ARHGEF1: variants seen among roughly 807,000 people sequenced by gnomAD.
The protein encoded by ARHGEF1 is Rho guanine nucleotide exchange factor 1.
A neutral mutation model predicts 119.7 loss-of-function variants in ARHGEF1; 40 were observed. The observed-to-expected ratio is 0.33, with a 90% CI of 0.26 to 0.44. The LOEUF is 0.44. ARHGEF1 is among the 20% of genes least tolerant of loss of function. The pLI is 1.00. For synonymous variants in ARHGEF1, 494 were observed against 521.0 expected (o/e 0.95, Z 0.71); for missense variants, 976 against 1,268.3 (o/e 0.77, Z 3.50).
At chr19:41,927,611 A>G (rs1555853383) in intron 1 of ARHGEF1, among the ~76,000 whole-genome samples, 1 of 152,014 alleles carries the variant, frequency 6.6e-6, no homozygotes, top group African/African-American at 2.4e-5. Flanking sequence ...TAGGTCCCAA[A>G]TATGCAAGCC....
chr19:41,906,364 C>T lies in ARHGEF1; in HGVS notation c.2492-93C>T. 1 of 1,323,190 alleles carries T rather than the reference C, an allele frequency of 7.6e-7. No homozygotes were observed. The highest frequency in any genetic ancestry group is 2.4e-5 in the East Asian group (1 of 40,866). The allele number at this position is 1,323,190 out of a possible 1,614,324, so 82.0% of individuals were successfully genotyped here. On this transcript the variant is annotated intron_variant, in intron 26 of 28. Coordinates refer to ENST00000354532, the MANE Select transcript of ARHGEF1 (RefSeq NM_004706.4). The surrounding 1 kb of genome is among the most constrained non-coding windows in gnomAD (Gnocchi z 4.5). The stretch of plus-strand genomic sequence containing the variant: ...CCTTGCCTGGCACCCACCTTCACCT[C>T]CAGCCCCTACACATCCCCTTTGGAA...
At chr19:41,886,477 C>T (rs2074295577) in intron 1 of ARHGEF1, among the ~76,000 whole-genome samples, 1 of 152,126 alleles carries the variant, frequency 6.6e-6, no homozygotes, top group African/African-American at 2.4e-5. Flanking sequence ...GACAGGGTCT[C>T]ACTGTGTTCC....
chr19:41,908,069 AC>A (rs1364313600), downstream of ARHGEF1: 52 of 483,898 alleles, frequency 1.1e-4, no homozygotes, highest in South Asian at 4.6e-4. This position sits in a 1 kb window ranked among gnomAD's most constrained non-coding sequence, Gnocchi z 6.7. Flanking sequence ...GGGAAGTGAG[AC>A]CCCCCCCACT....
At chr19:41,894,068 G>C in intron 8 of ARHGEF1, 139 bp from the exon 9 acceptor site, 2 of 515,792 alleles carry the variant, frequency 3.9e-6, no homozygotes, top group Non-Finnish European at 6.5e-6. Context: ...ACAGGAAGTA[G>C]TTGTGGGGTC....
At chr19:41,910,824 G>A (rs1352619311), downstream of ARHGEF1, among the ~76,000 whole-genome samples, 1 of 152,138 alleles carries the variant, frequency 6.6e-6, no homozygotes, top group Admixed American at 6.5e-5. The surrounding 1 kb of genome is among the most constrained non-coding windows in gnomAD (Gnocchi z 4.4). Context: ...GCACACCGGA[G>A]TGCCACACTC....
rs782445137 is a variant in ARHGEF1 at position 41,888,721 on chromosome 19, C to G, written c.112-31C>G. On this transcript the variant is annotated intron_variant, in intron 3 of 28. Coordinates refer to ENST00000354532, the MANE Select transcript of ARHGEF1 (RefSeq NM_004706.4). The surrounding 1 kb of genome is among the most constrained non-coding windows in gnomAD (Gnocchi z 5.1). ...AACCCTAAGGCCCCTCCTCTTCTCCCCATTGTACTCACCCCTTCCTGCACC... is the reference window on the plus strand; with the variant it reads ...AACCCTAAGGCCCCTCCTCTTCTCCGCATTGTACTCACCCCTTCCTGCACC... The G allele has an allele frequency of 6.2e-7, 1 of 1,600,228 alleles. No individual in the cohort carries two copies. Among genetic ancestry groups the G allele is most frequent in the Non-Finnish European group, 8.6e-7 (1 of 1,167,532 alleles).
chr19:41,892,087 C>T lies in ARHGEF1; in HGVS notation c.288C>T (p.Phe96=). Residue 96 remains phenylalanine, a synonymous_variant, in exon 5 of 29, where the codon TTC becomes TTT. Coordinates refer to ENST00000354532, the MANE Select transcript of ARHGEF1 (RefSeq NM_004706.4). This position sits in a 1 kb window ranked among gnomAD's most constrained non-coding sequence, Gnocchi z 6.3. ...SLGPKEAKKA[F]LDFYHSFLEK... is the part of the protein sequence containing the mutation. ...GCCCCAAGGAGGCCAAGAAGGCCTT[C>T]CTGGACTTCTACCACAGCTTCCTGG... 1 of 1,613,398 alleles carries T rather than the reference C, an allele frequency of 6.2e-7. No individual in the cohort carries two copies. The highest frequency in any genetic ancestry group is 8.5e-7 in the Non-Finnish European group (1 of 1,179,524).
At position 41,903,667 on chromosome 19, in the gene ARHGEF1, C is replaced by T; in HGVS notation, c.1840-40C>T. ...GTGGGTCACTGCAGGTCAGCCCCAG[C>T]ACTTAGCTTGTCCCCATAATGCTCC... On this transcript the variant is annotated intron_variant, in intron 19 of 28. Coordinates refer to ENST00000354532, the MANE Select transcript of ARHGEF1 (RefSeq NM_004706.4). The surrounding 1 kb of genome is among the most constrained non-coding windows in gnomAD (Gnocchi z 4.2). The T allele has an allele frequency of 6.2e-7, 1 of 1,601,804 alleles. No individual in the cohort carries two copies. The highest frequency in any genetic ancestry group is 8.5e-7 in the Non-Finnish European group (1 of 1,173,132).
rs530626333 is a variant in ARHGEF1, at chr19:41,916,306, CACACA to C, written c.1866-6780_1866-6776del. Among the ~76,000 whole-genome samples, 21 of 151,964 alleles carry C rather than the reference CACACA, an allele frequency of 1.4e-4. No individual in the cohort carries two copies. The highest frequency in any genetic ancestry group is 2.5e-4 in the Non-Finnish European group (17 of 67,990). Reference sequence around the variant, plus strand: ...CAAAGTCACACACAGCACCACGTCCCACACAACACATCACACACACCAACAAAGCA... The same window carrying C: ...CAAAGTCACACACAGCACCACGTCCCACACATCACACACACCAACAAAGCA... On this transcript the variant is annotated intron_variant, in intron 18 of 20. Coordinates refer to the ARHGEF1 transcript ENST00000599589. This position sits in a 1 kb window ranked among gnomAD's most constrained non-coding sequence, Gnocchi z 5.4.
At chr19:41,929,215 C>G (rs1387914003) in intron 2 of ARHGEF1, among the ~76,000 whole-genome samples, 1 of 151,962 alleles carries the variant, frequency 6.6e-6, no homozygotes, top group African/African-American at 2.4e-5. Context: ...ACTCCCTGAT[C>G]CACTGACCCA....
chr19:41,913,800 T>C (rs1599673364), intron 18 of ARHGEF1, among the ~76,000 whole-genome samples: 1 of 71,240 alleles, frequency 1.4e-5, no homozygotes, highest in Non-Finnish European at 2.8e-5. Flanking sequence ...GCGCCTCCCC[T>C]CCACACACAC....
In ARHGEF1 at chr19:41,902,768, A is replaced by T. The variant is rs781837570; in HGVS notation, c.1624-16A>T. On this transcript the variant is annotated splice_polypyrimidine_tract_variant and intron_variant, in intron 17 of 28. Coordinates refer to ENST00000354532, the MANE Select transcript of ARHGEF1 (RefSeq NM_004706.4). The surrounding 1 kb of genome is among the most constrained non-coding windows in gnomAD (Gnocchi z 6.5). ...CCAAAGCCTGGGCCATCGCAACACC[A>T]GCATGTTTCCCGCAGGAAGCTGAGA... 3 of 1,613,216 alleles carry T rather than the reference A, an allele frequency of 1.9e-6. No homozygotes were observed. Among genetic ancestry groups the T allele is most frequent in the African/African-American group, 1.3e-5 (1 of 74,916 alleles).
chr19:41,912,016 G>A (rs782680457), downstream of ARHGEF1, among the ~76,000 whole-genome samples: 12 of 151,728 alleles, frequency 7.9e-5, no homozygotes, highest in Admixed American at 3.3e-4. Context: ...CATGCGGAAC[G>A]CCACACAACC....
At chr19:41,922,371 A>G (rs1429628589), upstream of ARHGEF1, among the ~76,000 whole-genome samples, 1 of 152,186 alleles carries the variant, frequency 6.6e-6, no homozygotes, top group East Asian at 1.9e-4. Flanking sequence ...GCAAAGAGAC[A>G]GGGTCAGAGG....
chr19:41,918,416 C>T (rs569913102), upstream of ARHGEF1, among the ~76,000 whole-genome samples: 30 of 133,498 alleles, frequency 2.2e-4, 2 homozygotes, highest in South Asian at 6.5e-3. Flanking sequence ...ACACACACCA[C>T]ACACATATCA....
rs1174348636 is a variant in ARHGEF1, at chr19:41,883,506, G to T, written c.-20+217G>T. ...TGACGAGTGCCCCATAGGTGGGGAC[G>T]AACGGTGCGAGGCCGGGGCCAAGGC... On this transcript the variant is annotated intron_variant, in intron 1 of 28. Transcript: ENST00000354532. The surrounding 1 kb of genome is among the most constrained non-coding windows in gnomAD (Gnocchi z 7.6). Among the ~76,000 whole-genome samples the T allele has an allele frequency of 1.3e-5, 2 of 152,230 alleles. No homozygotes were observed. The highest frequency in any genetic ancestry group is 4.8e-5 in the African/African-American group (2 of 41,468).
chr19:41,921,766 C>T (rs1214152949), upstream of ARHGEF1, among the ~76,000 whole-genome samples: 1 of 151,960 alleles, frequency 6.6e-6, no homozygotes, highest in Non-Finnish European at 1.5e-5. This position sits in a 1 kb window ranked among gnomAD's most constrained non-coding sequence, Gnocchi z 4.4. Flanking sequence ...GGGTGGCGGG[C>T]AGACCTAAGG....
At position 41,902,539 on chromosome 19, in the gene ARHGEF1, G is replaced by A. The variant is rs781973845; in HGVS notation, c.1504G>A (p.Gly502Ser). ...GGCCTGAATCTCGCTGTAGTTTGAT[G>A]GTGCTGAGGGCTCCTGGTTCCAGAA... Reference protein sequence around the residue: ...IGDVLLARFDGAEGSWFQKIS... With the variant: ...IGDVLLARFDSAEGSWFQKIS... The change falls in exon 17 of 29, where the codon GGT (glycine) becomes AGT (serine). Residue 502 changes from glycine to serine, a missense_variant. Transcript: ENST00000354532. This position sits in a 1 kb window ranked among gnomAD's most constrained non-coding sequence, Gnocchi z 6.5. The A allele has an allele frequency of 6.2e-7, 1 of 1,614,090 alleles. No individual in the cohort carries two copies. Among genetic ancestry groups the A allele is most frequent in the Non-Finnish European group, 8.5e-7 (1 of 1,180,030 alleles).
intron 1 of ARHGEF1, among the ~76,000 whole-genome samples, chr19:41,884,024 G>A (rs917800145): frequency 2.0e-5 from 3 of 152,226 alleles, no homozygotes; most frequent in African/African-American, 7.2e-5. Context: ...GGAGGGGATT[G>A]ATGTACGAGG....
Sources: allele counts gnomAD v4.1 joint callset (sites outside exome capture counted in the v4.1 genomes callset), GRCh38; gene constraint gnomAD v4.1.1; non-coding constraint Gnocchi (gnomAD v3.1); transcripts MANE v1.5; gene names NCBI Gene and HGNC (gene_info 2026-07-23, HGNC 2026-07-21).